Variants in HERC1 observed in about 807,000 individuals in gnomAD.
HERC1 encodes probable E3 ubiquitin-protein ligase HERC1.
In HERC1, 160 loss-of-function variants were observed where a neutral mutation model predicts 554.3. That is an observed-to-expected ratio of 0.29 (90% confidence interval 0.25 to 0.33). The LOEUF (loss-of-function observed/expected upper bound fraction) is 0.33, where lower values mean the gene tolerates loss of function less well. HERC1 is among the 10% of genes least tolerant of loss of function. The probability of loss-of-function intolerance (pLI) is 1.00; values close to 1 mark genes in which losing one functional copy is unlikely to be tolerated. For missense variants in HERC1, 4,919 were observed against 5,918.5 expected, an observed-to-expected ratio of 0.83 and a Z score of 5.54; for synonymous variants, 2,175 against 2,131.7, an observed-to-expected ratio of 1.02 and a Z score of -0.56.
At chr15:63,710,037 G>A (rs367626413) in intron 24 of HERC1, among the ~76,000 whole-genome samples, 1 of 152,200 alleles carries the variant, frequency 6.6e-6, no homozygotes, top group Admixed American at 6.5e-5. Context: ...GGTATGCTTG[G>A]GGTCTGGCAG....
intron 1 of HERC1, among the ~76,000 whole-genome samples, chr15:63,786,291 AAAAGAAG>A (rs1460923485): frequency 1.3e-5 from 2 of 151,636 alleles, no homozygotes; most frequent in Admixed American, 6.6e-5. Flanking sequence ...AAAAAAAAAA[AAAAGAAG>A]AAGAAGAAGA....
At chr15:63,808,248 C>T (rs566674396) in intron 1 of HERC1, among the ~76,000 whole-genome samples, 1 of 152,120 alleles carries the variant, frequency 6.6e-6, no homozygotes, top group Admixed American at 6.6e-5. Context: ...ATAACGGCTG[C>T]TATCAAACTT....
Position 63,698,727 on chromosome 15 carries a change from C to G in HERC1, c.4905+1G>C. On this transcript the variant is annotated splice_donor_variant, in intron 26 of 77. Coordinates refer to ENST00000443617, the MANE Select transcript of HERC1 (RefSeq NM_003922.4). LOFTEE classifies it high-confidence loss of function. The stretch of plus-strand genomic sequence containing the variant: ...ATAAGGAGTAAATATCAAAGACTTA[C>G]TTCTGCCCTTAACTGCTGCTGTTCC... The G allele has an allele frequency of 6.2e-7, 1 of 1,612,230 alleles. No homozygotes were observed. The highest frequency in any genetic ancestry group is 8.5e-7 in the Non-Finnish European group (1 of 1,178,922).
At chr15:63,768,006 C>G (rs1287535861) in intron 2 of HERC1, among the ~76,000 whole-genome samples, 1 of 151,696 alleles carries the variant, frequency 6.6e-6, no homozygotes, top group African/African-American at 2.4e-5. Flanking sequence ...GTTATCGCCC[C>G]ACCCCATTAA....
chr15:63,654,172 C>T lies in HERC1; in HGVS notation c.10237G>A (p.Gly3413Arg). 6.2e-7 allele frequency: 1 copy of T among 1,614,022 alleles called. No individual in the cohort carries two copies. The highest frequency in any genetic ancestry group is 8.5e-7 in the Non-Finnish European group (1 of 1,179,900). Residue 3413 changes from glycine to arginine, a missense_variant, in exon 51 of 78, where the codon GGA becomes AGA. Around this residue, in one of 11 missense-constraint regions of HERC1, gnomAD observed 1,963 missense variants for 2,228.6 expected, o/e 0.88. Transcript: ENST00000443617. Reference sequence around the variant, plus strand: ...AAGGAGCATTTTCTAAGATCTCCTCCCATATCAGCAAGTGTCTGCAGAGTA... The same window carrying T: ...AAGGAGCATTTTCTAAGATCTCCTCTCATATCAGCAAGTGTCTGCAGAGTA... The part of the protein sequence containing the change: ...QTTLQTLADM[G>R]GDLRKCSFIK...
intron 74 of HERC1, among the ~76,000 whole-genome samples, chr15:63,621,784 G>A (rs1202173040): frequency 6.6e-6 from 1 of 152,098 alleles, no homozygotes; most frequent in Non-Finnish European, 1.5e-5. Context: ...GATCGAATCG[G>A]TTACTGAGGC....
At chr15:63,771,471 C>T (rs980602335) in intron 2 of HERC1, among the ~76,000 whole-genome samples, 2 of 150,498 alleles carry the variant, frequency 1.3e-5, no homozygotes, top group African/African-American at 4.9e-5. Context: ...TGGTCTGTCA[C>T]CCAGGCTGGA....
chr15:63,622,648 G>C (rs141167444), intron 74 of HERC1, among the ~76,000 whole-genome samples, 167 bp downstream of exon 74: 1 of 152,172 alleles, frequency 6.6e-6, no homozygotes, highest in Non-Finnish European at 1.5e-5. Flanking sequence ...CCTCATCTTT[G>C]ACAAGAGGAT....
intron 1 of HERC1, among the ~76,000 whole-genome samples, chr15:63,808,668 G>A (rs2077205233): frequency 6.6e-6 from 1 of 152,208 alleles, no homozygotes; most frequent in Admixed American, 6.5e-5. Context: ...TCAACAGTCT[G>A]TTACGGTAAT....
chr15:63,712,799 T>C lies in HERC1; in HGVS notation c.4560A>G (p.Glu1520=). The C allele has an allele frequency of 6.2e-7, 1 of 1,613,912 alleles. No individual in the cohort carries two copies. Among genetic ancestry groups the C allele is most frequent in the Non-Finnish European group, 8.5e-7 (1 of 1,179,826 alleles). Residue 1520 remains glutamate, a synonymous_variant, in exon 24 of 78, where the codon GAA becomes GAG. Coordinates refer to ENST00000443617, the MANE Select transcript of HERC1 (RefSeq NM_003922.4). The part of the protein sequence containing the change: ...SRSESDLSQP[E]SDEEGYALSG... ...CCAGTGCGTAACCCTCTTCATCTGA[T>C]TCAGGCTGAGACAAATCAGATTCAC... is the stretch of plus-strand genomic sequence containing the variant.
chr15:63,758,097 C>T lies in HERC1; in HGVS notation c.1221+78G>A. The T allele has an allele frequency of 2.0e-6, 2 of 988,536 alleles. No homozygotes were observed. The highest frequency in any genetic ancestry group is 4.0e-5 in the South Asian group (2 of 50,338). The allele number at this position is 988,536 out of a possible 1,614,324, so 61.2% of individuals were successfully genotyped here. Reference sequence around the variant, plus strand: ...ATAATTTTCACTCATTTAAAAAATACTCAGTATTATTTAATGCAAATAAGC... The same window carrying T: ...ATAATTTTCACTCATTTAAAAAATATTCAGTATTATTTAATGCAAATAAGC... On this transcript the variant is annotated intron_variant, in intron 4 of 77. Coordinates refer to ENST00000443617, the MANE Select transcript of HERC1 (RefSeq NM_003922.4). The surrounding 1 kb of genome is among the most constrained non-coding windows in gnomAD (Gnocchi z 4.0).
chr15:63,739,237 G>A (rs1364707490), intron 12 of HERC1, among the ~76,000 whole-genome samples: 1 of 123,488 alleles, frequency 8.1e-6, no homozygotes, highest in African/African-American at 3.1e-5. Context: ...TCGTTCTGTT[G>A]CCCAGGCTGG....
At chr15:63,829,559 G>GTATATATATATA (rs1316907768) in intron 1 of HERC1, among the ~76,000 whole-genome samples, 15 of 94,674 alleles carry the variant, frequency 1.6e-4, no homozygotes, top group South Asian at 3.6e-4. Flanking sequence ...GTGTGTGTGT[G>GTATATATATATA]TGTATATATA....
chr15:63,797,730 T>C (rs898708580), intron 1 of HERC1, among the ~76,000 whole-genome samples: 1 of 152,244 alleles, frequency 6.6e-6, no homozygotes. Context: ...TTAATTGATT[T>C]TGTCTGCGCA....
chr15:63,702,622 C>T (rs943057035), intron 25 of HERC1, among the ~76,000 whole-genome samples: 37 of 152,282 alleles, frequency 2.4e-4, no homozygotes, highest in African/African-American at 8.4e-4. Context: ...AAATTACTAA[C>T]ATATTTTTAC....
At position 63,640,362 on chromosome 15, in the gene HERC1, A is replaced by C. The variant is rs1458552091; in HGVS notation, c.11691T>G (p.Asp3897Glu). ...LASLAVGLHLDQLLCNPPVPP... is the reference protein window; with the variant it reads ...LASLAVGLHLEQLLCNPPVPP... ...GCACTGGAGGGTTACACAACAGCTGATCCAGATGAAGTCCCACAGCAAGGG... is the reference window on the plus strand; with the variant it reads ...GCACTGGAGGGTTACACAACAGCTGCTCCAGATGAAGTCCCACAGCAAGGG... Residue 3897 changes from aspartate to glutamate, a missense_variant, in exon 61 of 78, where the codon GAT (aspartate) becomes GAG (glutamate). Physicochemically the swap from Asp to Glu is conservative, Grantham distance 45. Around this residue, in one of 11 missense-constraint regions of HERC1, gnomAD observed 1,963 missense variants for 2,228.6 expected, o/e 0.88. Transcript: ENST00000443617. 1.2e-6 allele frequency: 2 copies of C among 1,613,740 alleles called. No individual in the cohort carries two copies. Among genetic ancestry groups the C allele is most frequent in the African/African-American group, 2.7e-5 (2 of 74,904 alleles).
At chr15:63,762,206 A>G (rs2075634324) in intron 3 of HERC1, among the ~76,000 whole-genome samples, 1 of 152,236 alleles carries the variant, frequency 6.6e-6, no homozygotes, top group African/African-American at 2.4e-5. Context: ...AAAATAACTT[A>G]GGAACCACCC....
chr15:63,702,429 C>T (rs1033253258), intron 25 of HERC1, among the ~76,000 whole-genome samples: 1 of 152,188 alleles, frequency 6.6e-6, no homozygotes, highest in Non-Finnish European at 1.5e-5. Flanking sequence ...TCAAACCACA[C>T]AGTATTTTAA....
Position 63,774,640 on chromosome 15 carries a change from T to C in HERC1, c.930+54A>G, listed in dbSNP as rs569225346. ...TACCACCAATTCATTAAAAACTGCATTGACTTTTCCAAAAACTATTATGAA... is the reference window on the plus strand; with the variant it reads ...TACCACCAATTCATTAAAAACTGCACTGACTTTTCCAAAAACTATTATGAA... On this transcript the variant is annotated intron_variant, in intron 2 of 77. Transcript: ENST00000443617. The C allele has an allele frequency of 3.8e-5, 51 of 1,353,946 alleles. No homozygotes were observed. The South Asian group carries it at 4.9e-4, about 13-fold the overall frequency. 83.9% of individuals were successfully genotyped at this position (1,353,946 alleles called of 1,614,324 possible).
Sources: allele counts gnomAD v4.1 joint callset (sites outside exome capture counted in the v4.1 genomes callset), GRCh38; gene constraint gnomAD v4.1.1; regional missense constraint gnomAD v4.1.1; non-coding constraint Gnocchi (gnomAD v3.1); transcripts MANE v1.5; gene names NCBI Gene and HGNC (gene_info 2026-07-23, HGNC 2026-07-21).